AFF1: variants seen among roughly 807,000 people sequenced by gnomAD.
AFF1 encodes AF4/FMR2 family member 1.
A neutral mutation model predicts 121.7 loss-of-function variants in AFF1; 48 were observed. The observed-to-expected ratio is 0.39, with a 90% CI of 0.31 to 0.50. AFF1 has a LOEUF of 0.50. Among genes scored for constraint, AFF1 ranks in the 20% least tolerant of loss-of-function variants. The pLI, the probability that AFF1 is intolerant of heterozygous loss-of-function variation, is 0.76. For synonymous variants in AFF1, 613 were observed against 563.0 expected (o/e 1.09, Z -1.26); for missense variants, 1,523 against 1,511.7 (o/e 1.01, Z -0.12).
chr4:87,023,073 AT>A, intron 2 of AFF1, among the ~76,000 whole-genome samples: 1 of 151,818 alleles, frequency 6.6e-6, no homozygotes, highest in Admixed American at 6.6e-5. Flanking sequence ...TGCCCAGCTA[AT>A]TTTTAATTTT....
intron 2 of AFF1, among the ~76,000 whole-genome samples, chr4:87,035,025 C>T (rs1279156053): frequency 2.0e-5 from 3 of 152,126 alleles, no homozygotes; most frequent in Admixed American, 2.0e-4. Context: ...TGTAGGCACA[C>T]ATATATAAAG....
At chr4:87,106,082 A>C (rs1367101645) in intron 10 of AFF1, among the ~76,000 whole-genome samples, 1 of 152,228 alleles carries the variant, frequency 6.6e-6, no homozygotes, top group Admixed American at 6.5e-5. Flanking sequence ...TAGATGTTAA[A>C]GATTTTTAAG....
At chr4:87,052,326 T>C (rs1346082364) in intron 4 of AFF1, among the ~76,000 whole-genome samples, 1 of 152,120 alleles carries the variant, frequency 6.6e-6, no homozygotes, top group Non-Finnish European at 1.5e-5. Context: ...GATAGGAGGA[T>C]CACTTGAGCC....
At chr4:86,996,069 TG>T (rs1268645028) in intron 2 of AFF1, among the ~76,000 whole-genome samples, 1 of 150,038 alleles carries the variant, frequency 6.7e-6, no homozygotes, top group Non-Finnish European at 1.5e-5. Context: ...GGAGCGTCTC[TG>T]CCCGGCAGCC....
At chr4:87,125,964 A>G in intron 13 of AFF1, 135 bp from the exon 14 acceptor site, 1 of 840,978 alleles carries the variant, frequency 1.2e-6, no homozygotes, top group East Asian at 2.4e-5. Flanking sequence ...AGTCCCTGAA[A>G]TTTGGCCTGT....
rs184363600 is a variant in AFF1 at position 87,131,881 on chromosome 4, G to A, written c.3173+17G>A. 6.5e-7 allele frequency: 1 copy of A among 1,547,368 alleles called. No homozygotes were observed. The highest frequency in any genetic ancestry group is 1.4e-5 in the African/African-American group (1 of 71,108). On this transcript the variant is annotated intron_variant, in intron 18 of 20. Transcript: ENST00000395146. ...TGTTTTATGGTGCGTATTTTCCTTT[G>A]TCTAAATAGTACTAAATTTGTTTTT...
chr4:87,114,907 G>T lies in AFF1; in HGVS notation c.2074G>T (p.Gly692Cys). ...SLPAPSKALS[G>C]PEPAKDNVED... ...CCCTGCCCCCTCTAAGGCTCTCTCAGGCCCAGAACCCGCGAAGGACAATGT... is the reference window on the plus strand; with the variant it reads ...CCCTGCCCCCTCTAAGGCTCTCTCATGCCCAGAACCCGCGAAGGACAATGT... The change falls in exon 12 of 21, where the codon GGC becomes TGC. Residue 692 changes from glycine (G) to cysteine (C), a missense_variant. Gly to Cys is a radical substitution (Grantham distance 159). Around this residue, in one of 5 missense-constraint regions of AFF1, gnomAD observed 905 missense variants for 842.5 expected, o/e 1.07. Coordinates refer to ENST00000395146, the MANE Select transcript of AFF1 (RefSeq NM_001166693.3). 2 of 1,612,836 alleles carry T rather than the reference G, an allele frequency of 1.2e-6. No homozygotes were observed. Among genetic ancestry groups the T allele is most frequent in the Non-Finnish European group, 1.7e-6 (2 of 1,179,512 alleles).
rs559318907 is a variant in AFF1, at chr4:87,120,337, TTTCTG to T, written c.2467-4698_2467-4694del. 1.8e-4 allele frequency among the ~76,000 whole-genome samples: 28 copies of T among 152,322 alleles called. No individual in the cohort carries two copies. In the East Asian group the frequency reaches 5.2e-3, roughly 28 times the overall value. ...TTTCCCCAAAGACTGCTTCTCCAGT[TTTCTG>T]TGTTGCATGTGCTACCAAGCTCATT... On this transcript the variant is annotated intron_variant, in intron 12 of 20. Transcript: ENST00000395146.
At chr4:87,043,339 T>C (rs1004729805) in intron 2 of AFF1, among the ~76,000 whole-genome samples, 1 of 152,200 alleles carries the variant, frequency 6.6e-6, no homozygotes, top group Admixed American at 6.5e-5. Context: ...GCAAGGTGCA[T>C]GCACTGGATA....
At chr4:87,032,523 T>G (rs2149585662) in intron 2 of AFF1, among the ~76,000 whole-genome samples, 1 of 152,356 alleles carries the variant, frequency 6.6e-6, no homozygotes, top group South Asian at 2.1e-4. Context: ...TGTTGCTGTC[T>G]GCTTTGTGTA....
rs1374184298 is a variant in AFF1 at position 87,136,254 on chromosome 4, C to T, written c.*553C>T. ...TAAGTAATGAAGGACTCCACTGTGC[C>T]CCACTTTCTGCCAATGAACAGTGGC... On this transcript the variant is annotated 3_prime_UTR_variant, in exon 21 of 21. Coordinates refer to ENST00000395146, the MANE Select transcript of AFF1 (RefSeq NM_001166693.3). 4.3e-6 allele frequency: 1 copy of T among 231,786 alleles called. No individual in the cohort carries two copies. The highest frequency in any genetic ancestry group is 8.5e-6 in the Non-Finnish European group (1 of 117,334). The allele number at this position is 231,786 out of a possible 1,614,324, so 14.4% of individuals were successfully genotyped here.
At chr4:87,014,126 T>TAA (rs57230540) in intron 2 of AFF1, among the ~76,000 whole-genome samples, 10 of 150,744 alleles carry the variant, frequency 6.6e-5, no homozygotes, top group African/African-American at 1.9e-4. Context: ...GCGTCTGTGT[T>TAA]AAAAAAAAAA....
intron 2 of AFF1, among the ~76,000 whole-genome samples, chr4:87,013,666 C>CTTT (rs11322791): frequency 9.6e-5 from 13 of 135,364 alleles, no homozygotes; most frequent in South Asian, 4.8e-4. Context: ...AAGATCTTAC[C>CTTT]TTTTTTTTTT....
intron 8 of AFF1, among the ~76,000 whole-genome samples, chr4:87,095,872 T>C (rs1029738925): frequency 3.3e-5 from 5 of 152,152 alleles, no homozygotes; most frequent in Admixed American, 1.3e-4. Context: ...CTCCAGTATC[T>C]GATCTGTCAC....
chr4:87,019,737 T>C (rs1727691237), intron 2 of AFF1, among the ~76,000 whole-genome samples: 1 of 152,204 alleles, frequency 6.6e-6, no homozygotes, highest in Admixed American at 6.5e-5. Flanking sequence ...TAATGTCCTT[T>C]ACAATAAACC....
intron 8 of AFF1, among the ~76,000 whole-genome samples, chr4:87,103,688 A>G (rs988711100): frequency 2.6e-5 from 4 of 152,208 alleles, no homozygotes; most frequent in African/African-American, 9.6e-5. Context: ...AACTTTCTCT[A>G]ACTTTCTGAC....
At chr4:87,028,570 A>C (rs760778540) in intron 2 of AFF1, among the ~76,000 whole-genome samples, 3 of 151,946 alleles carry the variant, frequency 2.0e-5, no homozygotes, top group Non-Finnish European at 2.9e-5. Context: ...ATAATACCTC[A>C]TTTTGTAGAG....
At chr4:87,059,025 G>T (rs1407106656) in intron 4 of AFF1, among the ~76,000 whole-genome samples, 1 of 152,140 alleles carries the variant, frequency 6.6e-6, no homozygotes, top group Non-Finnish European at 1.5e-5. Context: ...TTTTGTACGT[G>T]CCTTAATCTC....
intron 8 of AFF1, among the ~76,000 whole-genome samples, chr4:87,098,005 G>C (rs1725037683): frequency 6.6e-6 from 1 of 152,116 alleles, no homozygotes; most frequent in Non-Finnish European, 1.5e-5. Flanking sequence ...TTGAATATCA[G>C]AAAAAAATTA....
Sources: gnomAD v4.1 joint callset for allele counts (sites outside exome capture counted in the v4.1 genomes callset) on GRCh38, gnomAD v4.1.1 for gene constraint, gnomAD v4.1.1 regional missense constraint, MANE v1.5 for transcripts, NCBI Gene and HGNC (gene_info 2026-07-23, HGNC 2026-07-21) for gene names.